Variants in CAMKMT observed in about 807,000 individuals in gnomAD.
CAMKMT encodes calmodulin-lysine N-methyltransferase.
Under a neutral mutation model 48.0 loss-of-function variants are expected in CAMKMT, and 53 were observed. The observed-to-expected ratio is 1.10, with a 90% CI of 0.89 to 1.39. CAMKMT has a LOEUF of 1.39. Ranked by LOEUF, CAMKMT falls within the 40% of genes most tolerant of loss-of-function variation. CAMKMT has a pLI of 0.00. For synonymous variants in CAMKMT, 165 were observed against 152.3 expected (o/e 1.08, Z -0.61); for missense variants, 428 against 402.7 (o/e 1.06, Z -0.54).
intron 3 of CAMKMT, among the ~76,000 whole-genome samples, chr2:44,536,684 A>G (rs1324169666): frequency 6.6e-6 from 1 of 151,264 alleles, no homozygotes; most frequent in African/African-American, 2.5e-5. Flanking sequence ...GTATGGAACC[A>G]AAAAAGAGCC....
chr2:44,534,278 A>G (rs1666645703), intron 3 of CAMKMT, among the ~76,000 whole-genome samples: 3 of 152,154 alleles, frequency 2.0e-5, no homozygotes, highest in African/African-American at 7.2e-5. Flanking sequence ...AATAGTTGGG[A>G]ATTCAGTATT....
chr2:44,488,843 TTGTGTG>T lies in CAMKMT; in HGVS notation c.376+98568_376+98573del, dbSNP rs142299931. 2.7e-4 allele frequency among the ~76,000 whole-genome samples: 39 copies of T among 142,060 alleles called. 1 individual carries two copies. The South Asian group carries it at 6.1e-3, about 22-fold the overall frequency. The allele number at this position is 142,060 out of a possible 152,430, so 93.2% of individuals were successfully genotyped here. A position where few individuals can be genotyped will look rare whatever the true frequency, so the allele number is the denominator to read the frequency against. The stretch of plus-strand genomic sequence containing the variant: ...AAAAATTAGAAAAGCCTTAGGGTAT[TTGTGTG>T]TGTGTGTGTGTGTGTGTGTGTGTGT... On this transcript the variant is annotated intron_variant, in intron 3 of 10. Coordinates refer to ENST00000378494, the MANE Select transcript of CAMKMT (RefSeq NM_024766.5).
intron 3 of CAMKMT, among the ~76,000 whole-genome samples, chr2:44,542,480 G>T (rs1014603868): frequency 6.9e-6 from 1 of 144,944 alleles, no homozygotes; most frequent in Non-Finnish European, 1.5e-5. Context: ...AACTCAGGAG[G>T]TAAGACACAT....
intron 3 of CAMKMT, among the ~76,000 whole-genome samples, chr2:44,577,668 G>A (rs1327462162): frequency 7.3e-6 from 1 of 136,594 alleles, no homozygotes; most frequent in African/African-American, 2.7e-5. Context: ...AGAGGGAGAG[G>A]GAGAGGGAGA....
intron 1 of CAMKMT, among the ~76,000 whole-genome samples, chr2:44,371,099 C>T (rs1679134009): frequency 6.6e-6 from 1 of 152,224 alleles, no homozygotes; most frequent in Non-Finnish European, 1.5e-5. Context: ...ATTCTCCTGC[C>T]TCAGCCTCCC....
At chr2:44,723,618 A>G (rs1678608532) in intron 7 of CAMKMT, 1 of 139,454 alleles carries the variant, frequency 7.2e-6, no homozygotes, top group African/African-American at 2.9e-5. Context: ...ATAAATAAAT[A>G]AATAAATAAA....
intron 3 of CAMKMT, among the ~76,000 whole-genome samples, chr2:44,426,371 A>G (rs1572846261): frequency 6.6e-6 from 1 of 152,198 alleles, no homozygotes; most frequent in Non-Finnish European, 1.5e-5. Context: ...GAAAAGGCAT[A>G]TAGATGGGAA....
At chr2:44,449,840 A>T (rs1173557352) in intron 3 of CAMKMT, among the ~76,000 whole-genome samples, 1 of 151,980 alleles carries the variant, frequency 6.6e-6, no homozygotes, top group East Asian at 1.9e-4. Flanking sequence ...AGTACTAGAA[A>T]TTTTTTTCCT....
In CAMKMT at chr2:44,709,777, G is replaced by A. The variant is rs191234556; in HGVS notation, c.556+2315G>A. On this transcript the variant is annotated intron_variant, in intron 6 of 10. Coordinates refer to ENST00000378494, the MANE Select transcript of CAMKMT (RefSeq NM_024766.5). ...AGTCTAAATTATATAGCAGTTGTAG[G>A]ATATTATTCAAAAATTACTTTCTAA... Among the ~76,000 whole-genome samples the A allele has an allele frequency of 9.2e-5, 14 of 152,052 alleles. No homozygotes were observed. The East Asian group carries it at 2.5e-3, about 27-fold the overall frequency.
intron 3 of CAMKMT, among the ~76,000 whole-genome samples, chr2:44,603,051 C>A (rs960968489): frequency 1.3e-5 from 2 of 151,400 alleles, no homozygotes; most frequent in Non-Finnish European, 2.9e-5. Flanking sequence ...CACACACACA[C>A]ACATATATAG....
chr2:44,747,219 C>CT (rs1007503407), intron 8 of CAMKMT, among the ~76,000 whole-genome samples: 4 of 151,938 alleles, frequency 2.6e-5, no homozygotes, highest in East Asian at 1.9e-4. Context: ...TAAATTGTTT[C>CT]TTTTTTTTAG....
At chr2:44,390,142 T>A (rs936262959) in intron 2 of CAMKMT, 99 bp from the exon 3 acceptor site, 1 of 790,564 alleles carries the variant, frequency 1.3e-6, no homozygotes, top group Admixed American at 2.6e-5. Context: ...TTATTGCTAT[T>A]GGGTATACCA....
intron 3 of CAMKMT, among the ~76,000 whole-genome samples, chr2:44,549,073 G>A (rs572785956): frequency 3.3e-5 from 5 of 151,946 alleles, no homozygotes; most frequent in Admixed American, 6.6e-5. Context: ...TGTTTCCTCC[G>A]AGATCAGATG....
chr2:44,563,541 G>A (rs1313286348), intron 3 of CAMKMT, among the ~76,000 whole-genome samples: 2 of 146,730 alleles, frequency 1.4e-5, no homozygotes, highest in Non-Finnish European at 3.1e-5. Flanking sequence ...TGTTACATAT[G>A]TATACATGTG....
intron 9 of CAMKMT, among the ~76,000 whole-genome samples, chr2:44,754,751 T>C (rs1347533915): frequency 6.6e-6 from 1 of 152,164 alleles, no homozygotes; most frequent in Non-Finnish European, 1.5e-5. Context: ...CACTCTTATT[T>C]TGTTGGACTG....
intron 3 of CAMKMT, among the ~76,000 whole-genome samples, chr2:44,414,583 C>G (rs941566786): frequency 6.6e-6 from 1 of 152,180 alleles, no homozygotes; most frequent in African/African-American, 2.4e-5. Flanking sequence ...AGATGAGAGT[C>G]ATAGTCTTTT....
intron 8 of CAMKMT, among the ~76,000 whole-genome samples, chr2:44,747,878 C>T (rs186810941): frequency 2.0e-5 from 3 of 150,512 alleles, no homozygotes; most frequent in Non-Finnish European, 1.5e-5. Context: ...GTCTGTGTGT[C>T]TGTGTGTGTG....
At chr2:44,477,358 G>A (rs545203041) in intron 3 of CAMKMT, among the ~76,000 whole-genome samples, 3 of 152,304 alleles carry the variant, frequency 2.0e-5, no homozygotes, top group African/African-American at 7.2e-5. Flanking sequence ...ATTGGTTTCA[G>A]TACAATGATA....
intron 3 of CAMKMT, among the ~76,000 whole-genome samples, chr2:44,467,182 A>C (rs1055647387): frequency 3.3e-5 from 5 of 151,994 alleles, no homozygotes; most frequent in Non-Finnish European, 7.4e-5. Flanking sequence ...TGAGCCTGGG[A>C]GGTCAAGGCT....
Sources: allele counts gnomAD v4.1 joint callset (sites outside exome capture counted in the v4.1 genomes callset), GRCh38; gene constraint gnomAD v4.1.1; transcripts MANE v1.5; gene names NCBI Gene and HGNC (gene_info 2026-07-23, HGNC 2026-07-21).